PGAP1: variants seen among roughly 807,000 people sequenced by gnomAD.
The protein encoded by PGAP1 is post-GPI attachment to proteins inositol deacylase 1.
A neutral mutation model predicts 127.0 loss-of-function variants in PGAP1; 76 were observed. The ratio of observed to expected loss-of-function variants is 0.60; its 90% CI spans 0.50 to 0.72. The LOEUF (loss-of-function observed/expected upper bound fraction) is 0.72. Among genes scored for constraint, PGAP1 ranks in the 30% least tolerant of loss-of-function variants. The pLI, the probability that PGAP1 is intolerant of heterozygous loss-of-function variation, is 0.00. For synonymous variants in PGAP1, 362 were observed against 366.5 expected (o/e 0.99, Z 0.14); for missense variants, 982 against 1,071.3 (o/e 0.92, Z 1.16).
At chr2:196,845,662 T>C (rs1193554334) in intron 23 of PGAP1, among the ~76,000 whole-genome samples, 2 of 152,054 alleles carry the variant, frequency 1.3e-5, no homozygotes, top group African/African-American at 2.4e-5. Flanking sequence ...CTCCTTTCCC[T>C]TTCCTTTTTA....
chr2:196,843,580 T>G (rs1700474753), intron 25 of PGAP1, among the ~76,000 whole-genome samples: 1 of 152,160 alleles, frequency 6.6e-6, no homozygotes, highest in African/African-American at 2.4e-5. Context: ...TTTGAAAAGT[T>G]TATATTCCCG....
chr2:196,844,390 G>A (rs1700500229), intron 24 of PGAP1, 134 bp downstream of exon 24: 1 of 574,900 alleles, frequency 1.7e-6, no homozygotes, highest in Non-Finnish European at 2.9e-6. Context: ...ATATTCATTA[G>A]GTTCACTTTA....
At chr2:196,857,835 T>G (rs80299338) in intron 20 of PGAP1, among the ~76,000 whole-genome samples, 1 of 152,216 alleles carries the variant, frequency 6.6e-6, no homozygotes, top group South Asian at 2.1e-4. Flanking sequence ...GCCCTTGTTA[T>G]TCATCCTGGT....
intron 19 of PGAP1, among the ~76,000 whole-genome samples, chr2:196,865,473 C>T (rs1422859102): frequency 6.6e-6 from 1 of 152,080 alleles, no homozygotes; most frequent in Non-Finnish European, 1.5e-5. Context: ...GGCATCAGAG[C>T]CCAACTAACT....
chr2:196,860,412 T>C (rs1168199019), intron 20 of PGAP1, among the ~76,000 whole-genome samples: 1 of 152,114 alleles, frequency 6.6e-6, no homozygotes, highest in East Asian at 1.9e-4. Flanking sequence ...CACACGGCTG[T>C]AATCCCAGCT....
At chr2:196,875,845 T>TA in intron 13 of PGAP1, 24 bp from the exon 14 acceptor site, 1 of 1,218,502 alleles carries the variant, frequency 8.2e-7, no homozygotes, top group Non-Finnish European at 1.2e-6. Flanking sequence ...CATTGATTTA[T>TA]TAGAAAAAGT....
intron 2 of PGAP1, among the ~76,000 whole-genome samples, chr2:196,919,101 T>C (rs374814965): frequency 6.6e-6 from 1 of 152,160 alleles, no homozygotes; most frequent in East Asian, 1.9e-4. Flanking sequence ...CTCCTCACAA[T>C]GGCCTTTCCT....
intron 16 of PGAP1, 21 bp downstream of exon 16, chr2:196,873,507 T>C: frequency 6.3e-7 from 1 of 1,577,638 alleles, no homozygotes; most frequent in Non-Finnish European, 8.7e-7. Flanking sequence ...TTTCTATACA[T>C]TTTTTAGAAA....
At chr2:196,893,868 C>T (rs966591097) in intron 7 of PGAP1, among the ~76,000 whole-genome samples, 2 of 152,052 alleles carry the variant, frequency 1.3e-5, no homozygotes, top group African/African-American at 4.8e-5. Context: ...GTATAAAATC[C>T]ATTTGGTATT....
chr2:196,894,120 A>C (rs1292458231), intron 7 of PGAP1, among the ~76,000 whole-genome samples: 2 of 152,230 alleles, frequency 1.3e-5, no homozygotes, highest in African/African-American at 4.8e-5. Flanking sequence ...CAAATAACTG[A>C]TTCCTTATTA....
At chr2:196,872,058 C>T (rs141396735) in intron 18 of PGAP1, among the ~76,000 whole-genome samples, 1 of 152,222 alleles carries the variant, frequency 6.6e-6, no homozygotes, top group African/African-American at 2.4e-5. Context: ...GATCCTTAAG[C>T]TAACAACCAG....
intron 7 of PGAP1, among the ~76,000 whole-genome samples, chr2:196,893,914 C>T (rs1702182801): frequency 6.6e-6 from 1 of 152,120 alleles, no homozygotes; most frequent in Non-Finnish European, 1.5e-5. Context: ...ATAATTGAGG[C>T]CCTGACAGGT....
chr2:196,926,304 G>A (rs963940886), intron 1 of PGAP1, among the ~76,000 whole-genome samples, 166 bp downstream of exon 1: 4 of 151,696 alleles, frequency 2.6e-5, no homozygotes, highest in African/African-American at 7.3e-5. Flanking sequence ...GGTGAGGGGG[G>A]CAGAAGGGGG....
intron 20 of PGAP1, among the ~76,000 whole-genome samples, chr2:196,862,565 A>T (rs1701103389): frequency 6.6e-6 from 1 of 152,088 alleles, no homozygotes; most frequent in South Asian, 2.1e-4. Context: ...TCTAATAAAA[A>T]CTTGCTGGTT....
At chr2:196,872,113 C>CCCA (rs1208413874) in intron 18 of PGAP1, among the ~76,000 whole-genome samples, 3 of 152,096 alleles carry the variant, frequency 2.0e-5, no homozygotes, top group Non-Finnish European at 2.9e-5. Flanking sequence ...CTGCAGTAAG[C>CCCA]CCATGTCAGC....
At chr2:196,925,390 T>C (rs1703328031) in intron 1 of PGAP1, among the ~76,000 whole-genome samples, 1 of 152,186 alleles carries the variant, frequency 6.6e-6, no homozygotes. Context: ...TTTAAGAGTA[T>C]ACTAAAAATG....
intron 21 of PGAP1, 85 bp from the exon 22 acceptor site, chr2:196,847,285 A>G: frequency 9.9e-7 from 1 of 1,009,778 alleles, no homozygotes; most frequent in Non-Finnish European, 1.5e-6. Context: ...ACTATTCAAG[A>G]GAGTCTCTAA....
chr2:196,870,096 T>C (rs1701366224), intron 19 of PGAP1, among the ~76,000 whole-genome samples: 1 of 152,240 alleles, frequency 6.6e-6, no homozygotes, highest in Non-Finnish European at 1.5e-5. Flanking sequence ...TACTGCTTTA[T>C]GCAGCATTTT....
intron 26 of PGAP1, among the ~76,000 whole-genome samples, chr2:196,841,809 G>A (rs185640458): frequency 0.017 from 2,605 of 152,174 alleles, 65 homozygotes; most frequent in African/African-American, 0.058. Context: ...GAGCCACCAC[G>A]CCTGGCCTAC....
Sources: gnomAD v4.1 joint callset for allele counts (sites outside exome capture counted in the v4.1 genomes callset) on GRCh38, gnomAD v4.1.1 for gene constraint, MANE v1.5 for transcripts, NCBI Gene and HGNC (gene_info 2026-07-23, HGNC 2026-07-21) for gene names.